Variants in ZNF496 observed in about 807,000 individuals in gnomAD.
ZNF496 encodes the protein zinc finger protein 496.
A neutral mutation model predicts 58.9 loss-of-function variants in ZNF496; 11 were observed. The observed-to-expected ratio is 0.19, with a 90% CI of 0.12 to 0.31. ZNF496 has a LOEUF of 0.31. Among genes scored for constraint, ZNF496 ranks in the 10% least tolerant of loss-of-function variants. The probability of loss-of-function intolerance (pLI) is 1.00; values close to 1 mark genes in which losing one functional copy is unlikely to be tolerated. For synonymous variants in ZNF496, 338 were observed against 318.2 expected (o/e 1.06, Z -0.66); for missense variants, 660 against 783.0 (o/e 0.84, Z 1.88).
intron 6 of ZNF496, 57 bp downstream of exon 6, chr1:247,323,097 C>A: frequency 6.9e-7 from 1 of 1,459,228 alleles, no homozygotes; most frequent in Non-Finnish European, 9.6e-7. Flanking sequence ...GAAAGCTGCC[C>A]TGTAGCCTAC....
chr1:247,314,489 A>C (rs1407043646), intron 6 of ZNF496, among the ~76,000 whole-genome samples: 1 of 152,208 alleles, frequency 6.6e-6, no homozygotes, highest in African/African-American at 2.4e-5. Context: ...ATATAATACT[A>C]GGAAACCAGG....
Position 247,300,760 on chromosome 1 carries a change from C to T in ZNF496, c.1523G>A (p.Gly508Asp), listed in dbSNP as rs1659211782. ...EQAASEDADK[G>D]PKEPLENGKA... ...GCCGTTTTCCAGCGGCTCTTTGGGA[C>T]CCTTGTCCGCGTCCTCGGATGCCGC... Residue 508 changes from glycine (G) to aspartate (D), a missense_variant, in exon 10 of 10, where the codon GGT (glycine) becomes GAT (aspartate). Transcript: ENST00000682384. This position sits in a 1 kb window ranked among gnomAD's most constrained non-coding sequence, Gnocchi z 5.7. 1.9e-6 allele frequency: 3 copies of T among 1,607,354 alleles called. No individual in the cohort carries two copies. The highest frequency in any genetic ancestry group is 1.7e-5 in the Admixed American group (1 of 59,808).
chr1:247,330,403 C>A (rs1660283266), intron 2 of ZNF496, among the ~76,000 whole-genome samples: 1 of 152,222 alleles, frequency 6.6e-6, no homozygotes, highest in East Asian at 1.9e-4. Context: ...ACATTGAAGG[C>A]AACTGCACAC....
intron 6 of ZNF496, among the ~76,000 whole-genome samples, chr1:247,318,296 AAGAG>A (rs1031385500): frequency 6.6e-6 from 1 of 152,236 alleles, no homozygotes; most frequent in African/African-American, 2.4e-5. Context: ...GGAGAGGAGA[AAGAG>A]AGAGGGACTA....
chr1:247,329,633 T>C lies in ZNF496; in HGVS notation c.-37-18A>G, dbSNP rs1660252390. On this transcript the variant is annotated intron_variant, in intron 3 of 9. Coordinates refer to ENST00000682384, the MANE Select transcript of ZNF496 (RefSeq NM_032752.3). The surrounding 1 kb of genome is among the most constrained non-coding windows in gnomAD (Gnocchi z 5.5). ...AGACGACCCTATTTCCAAACAGAAA[T>C]CACTGGCTTCAGTGTTCTGGTCTCC... is the stretch of plus-strand genomic sequence containing the variant. The C allele has an allele frequency of 6.6e-7, 1 of 1,512,500 alleles. No homozygotes were observed. 93.7% of individuals were successfully genotyped at this position (1,512,500 alleles called of 1,614,324 possible). A position where few individuals can be genotyped will look rare whatever the true frequency, so the allele number is the denominator to read the frequency against.
intron 6 of ZNF496, among the ~76,000 whole-genome samples, chr1:247,320,271 C>G (rs1659918155): frequency 6.6e-6 from 1 of 152,200 alleles, no homozygotes; most frequent in South Asian, 2.1e-4. Flanking sequence ...GTTGGACTTC[C>G]ATGTGATGGA....
intron 6 of ZNF496, among the ~76,000 whole-genome samples, chr1:247,320,738 A>G (rs1403247917): frequency 6.6e-6 from 1 of 152,188 alleles, no homozygotes; most frequent in African/African-American, 2.4e-5. Flanking sequence ...AAAAAGAAAA[A>G]CAAAACTTCA....
At position 247,300,874 on chromosome 1, in the gene ZNF496, T is replaced by C. The variant is rs1193093635; in HGVS notation, c.1409A>G (p.Lys470Arg). 6.2e-7 allele frequency: 1 copy of C among 1,611,736 alleles called. No homozygotes were observed. The highest frequency in any genetic ancestry group is 8.5e-7 in the Non-Finnish European group (1 of 1,178,618). ...QKPYRCGACGKSFRLNSHLLS... is the reference protein window; with the variant it reads ...QKPYRCGACGRSFRLNSHLLS... The stretch of plus-strand genomic sequence containing the variant: ...CAGGTGGGAGTTCAGGCGGAAGCTC[T>C]TCCCGCAGGCACCACACCGGTAAGG... The change falls in exon 10 of 10, where the codon AAG becomes AGG. Residue 470 changes from lysine to arginine, a missense_variant. Coordinates refer to ENST00000682384, the MANE Select transcript of ZNF496 (RefSeq NM_032752.3). The surrounding 1 kb of genome is among the most constrained non-coding windows in gnomAD (Gnocchi z 5.7).
Position 247,309,904 on chromosome 1 carries a change from G to A in ZNF496, c.785-98C>T, listed in dbSNP as rs1235117614. 10 of 1,442,748 alleles carry A rather than the reference G, an allele frequency of 6.9e-6. No individual in the cohort carries two copies. The highest frequency in any genetic ancestry group is 1.4e-5 in the African/African-American group (1 of 71,148). The allele number at this position is 1,442,748 out of a possible 1,614,324, so 89.4% of individuals were successfully genotyped here. On this transcript the variant is annotated intron_variant, in intron 7 of 9. Transcript: ENST00000682384. The surrounding 1 kb of genome is among the most constrained non-coding windows in gnomAD (Gnocchi z 4.3). The stretch of plus-strand genomic sequence containing the variant: ...GAGAGAAGGCGGAGGGATGCCCAGC[G>A]GGCATGGCACCATCAGGGGCGAGAA...
chr1:247,314,219 T>C (rs1203864558), intron 6 of ZNF496, among the ~76,000 whole-genome samples: 2 of 151,936 alleles, frequency 1.3e-5, no homozygotes, highest in Admixed American at 6.6e-5. Context: ...CCACCACGCC[T>C]GGCTAATTTT....
chr1:247,318,892 G>A (rs1391952708), intron 6 of ZNF496, among the ~76,000 whole-genome samples: 2 of 152,118 alleles, frequency 1.3e-5, no homozygotes, highest in African/African-American at 4.8e-5. Flanking sequence ...TCTATGATGC[G>A]GTTCTAAATG....
intron 7 of ZNF496, chr1:247,310,047 C>T (rs1358022194): frequency 7.0e-6 from 10 of 1,427,292 alleles, no homozygotes; most frequent in African/African-American, 1.4e-5. Context: ...AGGGACAAAA[C>T]GGTAAGAACG....
At chr1:247,322,838 T>C (rs1052549637) in intron 6 of ZNF496, 14 of 1,283,448 alleles carry the variant, frequency 1.1e-5, no homozygotes, top group Non-Finnish European at 1.4e-5. Flanking sequence ...GATCTCCTTT[T>C]TCACAAGAGG....
rs1003036871 is a variant in ZNF496 at position 247,331,548 on chromosome 1, G to C, written c.-270C>G. 1 of 152,236 alleles carries C rather than the reference G, an allele frequency of 6.6e-6. No individual in the cohort carries two copies. Among genetic ancestry groups the C allele is most frequent in the Non-Finnish European group, 1.5e-5 (1 of 68,102 alleles). The allele number at this position is 152,236 out of a possible 1,614,324, so 9.4% of individuals were successfully genotyped here. Reference sequence around the variant, plus strand: ...CCCGGCCGGGCGTACTCGCTGAGGCGGGGTCTCCGCAGGCGCCCGGCTCCT... The same window carrying C: ...CCCGGCCGGGCGTACTCGCTGAGGCCGGGTCTCCGCAGGCGCCCGGCTCCT... On this transcript the variant is annotated 5_prime_UTR_variant, in exon 2 of 10. Coordinates refer to ENST00000682384, the MANE Select transcript of ZNF496 (RefSeq NM_032752.3).
chr1:247,320,311 T>G (rs1405600464), intron 6 of ZNF496, among the ~76,000 whole-genome samples: 1 of 152,206 alleles, frequency 6.6e-6, no homozygotes, highest in Non-Finnish European at 1.5e-5. Context: ...AGCAATGGAA[T>G]AGTAACACGC....
Position 247,308,721 on chromosome 1 carries a change from G to GT in ZNF496, c.893-134dup, listed in dbSNP as rs1659496829. 1.3e-6 allele frequency: 1 copy of GT among 771,846 alleles called. No homozygotes were observed. The highest frequency in any genetic ancestry group is 2.1e-6 in the Non-Finnish European group (1 of 477,978). 47.8% of individuals were successfully genotyped at this position (771,846 alleles called of 1,614,324 possible). The stretch of plus-strand genomic sequence containing the variant: ...GCTCCGTCCTGGGGACTGGCAGGGG[G>GT]TGGCCACTCAATAAGTGTCTGCTGA... On this transcript the variant is annotated intron_variant, in intron 8 of 9. Coordinates refer to ENST00000682384, the MANE Select transcript of ZNF496 (RefSeq NM_032752.3). This position sits in a 1 kb window ranked among gnomAD's most constrained non-coding sequence, Gnocchi z 4.5.
At chr1:247,310,727 T>C (rs1659574988) in intron 6 of ZNF496, 1 of 382,952 alleles carries the variant, frequency 2.6e-6, no homozygotes, top group Non-Finnish European at 4.8e-6. Context: ...GGGCCTCTTT[T>C]AGGAGGGACT....
In ZNF496 at chr1:247,328,698, G is replaced by A; in HGVS notation, c.559C>T (p.Leu187Phe). The stretch of plus-strand genomic sequence containing the variant: ...GGCTGCATACCTGGGTCCCCGCTGA[G>A]CTGGCTTGGTGGTCTGCTTGGGAGC... ...LGLPSRPPSQ[L>F]SGDPVLQDAF... Residue 187 changes from leucine to phenylalanine, a missense_variant, in exon 5 of 10, where the codon CTC (leucine) becomes TTC (phenylalanine). Physicochemically the swap from Leu to Phe is conservative, Grantham distance 22 (BLOSUM62 0). Coordinates refer to ENST00000682384, the MANE Select transcript of ZNF496 (RefSeq NM_032752.3). 1.3e-6 allele frequency: 2 copies of A among 1,594,650 alleles called. No individual in the cohort carries two copies. Among genetic ancestry groups the A allele is most frequent in the Non-Finnish European group, 1.7e-6 (2 of 1,170,456 alleles).
intron 6 of ZNF496, among the ~76,000 whole-genome samples, chr1:247,316,214 C>T (rs1444467716): frequency 1.3e-4 from 2 of 15,326 alleles, no homozygotes; most frequent in Non-Finnish European, 5.0e-4. Flanking sequence ...CGCGCGCGTG[C>T]GCGTGTGTGT....
Sources: allele counts gnomAD v4.1 joint callset (sites outside exome capture counted in the v4.1 genomes callset), GRCh38; gene constraint gnomAD v4.1.1; non-coding constraint Gnocchi (gnomAD v3.1); transcripts MANE v1.5; gene names NCBI Gene and HGNC (gene_info 2026-07-23, HGNC 2026-07-21).